NRXN3: variants seen among roughly 807,000 people sequenced by gnomAD.
NRXN3 encodes neurexin 3.
Under a neutral mutation model 137.6 loss-of-function variants are expected in NRXN3, and 32 were observed. The ratio of observed to expected loss-of-function variants is 0.23; its 90% CI spans 0.18 to 0.31. The LOEUF is 0.31. Ranked by LOEUF, NRXN3 falls within the 10% of genes least tolerant of loss-of-function variation. The probability of loss-of-function intolerance (pLI) is 1.00; values close to 1 mark genes in which losing one functional copy is unlikely to be tolerated. For synonymous variants in NRXN3, 798 were observed against 784.5 expected (o/e 1.02, Z -0.29); for missense variants, 1,574 against 2,062.5 (o/e 0.76, Z 4.59).
At chr14:78,175,266 AC>A (rs2153331346) in intron 1 of NRXN3, among the ~76,000 whole-genome samples, 1 of 152,308 alleles carries the variant, frequency 6.6e-6, no homozygotes, top group African/African-American at 2.4e-5. Context: ...CTTGGGGCTG[AC>A]CCTGAGGAGT....
intron 14 of NRXN3, among the ~76,000 whole-genome samples, chr14:78,979,670 C>T (rs556814370): frequency 6.6e-6 from 1 of 152,096 alleles, no homozygotes; most frequent in East Asian, 1.9e-4. Context: ...AAAAATATAC[C>T]CAAGACTGAG....
intron 4 of NRXN3, among the ~76,000 whole-genome samples, chr14:78,378,606 G>A (rs2088391182): frequency 6.6e-6 from 1 of 151,500 alleles, no homozygotes; most frequent in African/African-American, 2.4e-5. Context: ...ACATACATTA[G>A]AAAAGAGGAA....
At chr14:78,448,827 A>T (rs987541360) in intron 4 of NRXN3, among the ~76,000 whole-genome samples, 36 of 152,256 alleles carry the variant, frequency 2.4e-4, no homozygotes, top group African/African-American at 7.2e-4. Context: ...TTTATGATGT[A>T]TAAAGATGAA....
chr14:78,498,339 C>G (rs140126790), intron 4 of NRXN3, among the ~76,000 whole-genome samples: 2 of 152,250 alleles, frequency 1.3e-5, no homozygotes, highest in East Asian at 3.9e-4. Context: ...CTTACTGGGA[C>G]TGGCTCTTTT....
In NRXN3 at chr14:78,276,204, A is replaced by G. The variant is rs562475560; in HGVS notation, c.710-2441A>G. Among the ~76,000 whole-genome samples the G allele has an allele frequency of 4.6e-5, 7 of 152,328 alleles. No homozygotes were observed. The East Asian group carries it at 1.4e-3, about 29-fold the overall frequency. On this transcript the variant is annotated intron_variant, in intron 2 of 20. Transcript: ENST00000335750. ...TATTTTTACATACAGGACTAGAACTATGCCAAATTGAGACTTGAGGAGGGA... is the reference window on the plus strand; with the variant it reads ...TATTTTTACATACAGGACTAGAACTGTGCCAAATTGAGACTTGAGGAGGGA...
chr14:79,101,822 A>T (rs1179287005), intron 15 of NRXN3, among the ~76,000 whole-genome samples: 3 of 152,168 alleles, frequency 2.0e-5, no homozygotes, highest in Non-Finnish European at 2.9e-5. Context: ...CATTCATAAG[A>T]TGGAGAGTAT....
At chr14:78,526,734 G>A (rs1340740810) in intron 4 of NRXN3, 1 of 517,390 alleles carries the variant, frequency 1.9e-6, no homozygotes, top group Non-Finnish European at 3.9e-6. Flanking sequence ...AATCCTAAGA[G>A]GTAGGTAGGG....
At position 78,915,673 on chromosome 14, in the gene NRXN3, C is replaced by A. The variant is rs532299820; in HGVS notation, c.2276-41569C>A. Among the ~76,000 whole-genome samples the A allele has an allele frequency of 9.9e-5, 15 of 152,188 alleles. No individual in the cohort carries two copies. In the South Asian group the frequency reaches 2.1e-3, roughly 21 times the overall value. ...CAGATCAGAGTTACCCTCTGTGCAG[C>A]TTCTTGATGGATGATGGGGAGGGCC... On this transcript the variant is annotated intron_variant, in intron 10 of 20. Transcript: ENST00000335750.
At position 78,826,455 on chromosome 14, in the gene NRXN3, C is replaced by T. The variant is rs1389717419; in HGVS notation, c.2275+16111C>T. ...GCTCATGTTCCATTGTGCCATTGAA[C>T]TTGAAAAAACATGCACACGCATAAA... On this transcript the variant is annotated intron_variant, in intron 10 of 20. Coordinates refer to ENST00000335750, the MANE Select transcript of NRXN3 (RefSeq NM_001330195.2). Among the ~76,000 whole-genome samples, 9 of 152,248 alleles carry T rather than the reference C, an allele frequency of 5.9e-5. No homozygotes were observed. The East Asian group carries it at 1.2e-3, about 20-fold the overall frequency.
chr14:78,948,476 G>A (rs1294909266), intron 10 of NRXN3, among the ~76,000 whole-genome samples: 4 of 152,184 alleles, frequency 2.6e-5, no homozygotes, highest in African/African-American at 4.8e-5. Context: ...AACTGTCTGA[G>A]CTCACAATAA....
At chr14:78,530,677 T>TTGTAATATTGTAATATTGCCAGGGC (rs1202976669) in intron 4 of NRXN3, among the ~76,000 whole-genome samples, 3 of 152,210 alleles carry the variant, frequency 2.0e-5, no homozygotes, top group Admixed American at 6.5e-5. Flanking sequence ...AGCTGGGTCA[T>TTGTAATATTGTAATATTGCCAGGGC]ACTATTGCCA....
chr14:79,750,181 T>C (rs1355522287), intron 19 of NRXN3, among the ~76,000 whole-genome samples: 2 of 152,054 alleles, frequency 1.3e-5, no homozygotes, highest in Non-Finnish European at 2.9e-5. Context: ...GTACTTAGGG[T>C]TGGTTGGAGA....
chr14:78,876,141 G>A (rs1253409176), intron 10 of NRXN3, among the ~76,000 whole-genome samples: 1 of 152,114 alleles, frequency 6.6e-6, no homozygotes, highest in Non-Finnish European at 1.5e-5. Context: ...AGCAAAGCCT[G>A]GTTTTCTTAC....
intron 16 of NRXN3, among the ~76,000 whole-genome samples, chr14:79,658,406 T>C (rs1603370176): frequency 6.6e-6 from 1 of 152,304 alleles, no homozygotes; most frequent in Admixed American, 6.5e-5. Context: ...CTTATTGCCA[T>C]CCTCACTCAA....
At chr14:79,605,644 C>G (rs546808212) in intron 16 of NRXN3, among the ~76,000 whole-genome samples, 1 of 152,048 alleles carries the variant, frequency 6.6e-6, no homozygotes, top group Admixed American at 6.6e-5. Flanking sequence ...TGCGCCACCA[C>G]GCCCAGCTAA....
Position 79,117,803 on chromosome 14 carries a change from G to A in NRXN3, c.3262+129662G>A, listed in dbSNP as rs576391875. Among the ~76,000 whole-genome samples the A allele has an allele frequency of 1.2e-4, 18 of 152,316 alleles. No individual in the cohort carries two copies. In the South Asian group the frequency reaches 2.5e-3, roughly 21 times the overall value. On this transcript the variant is annotated intron_variant, in intron 15 of 20. Coordinates refer to ENST00000335750, the MANE Select transcript of NRXN3 (RefSeq NM_001330195.2). ...AAGGAGACACCACCTTTCAAGGTGA[G>A]CCCTTAAGAAAAGAAAAATAAGAAA...
chr14:78,778,051 CCA>C (rs2098750446), intron 8 of NRXN3, among the ~76,000 whole-genome samples: 1 of 152,142 alleles, frequency 6.6e-6, no homozygotes, highest in African/African-American at 2.4e-5. Context: ...GCATGAGCCA[CCA>C]CACCCAGCTG....
chr14:78,551,231 A>G (rs1372746855), intron 4 of NRXN3, among the ~76,000 whole-genome samples: 1 of 152,210 alleles, frequency 6.6e-6, no homozygotes, highest in Non-Finnish European at 1.5e-5. Context: ...TTGCTGAAGG[A>G]TCAAGACTTG....
intron 4 of NRXN3, among the ~76,000 whole-genome samples, chr14:78,553,295 C>G (rs539350508): frequency 6.6e-6 from 1 of 152,278 alleles, no homozygotes; most frequent in Admixed American, 6.5e-5. Context: ...AATCCAGCCT[C>G]TAGTTTGAGG....
Sources: allele counts gnomAD v4.1 joint callset (sites outside exome capture counted in the v4.1 genomes callset), GRCh38; gene constraint gnomAD v4.1.1; transcripts MANE v1.5; gene names NCBI Gene and HGNC (gene_info 2026-07-23, HGNC 2026-07-21).